The following KCND3 variants were observed in gnomAD, a reference collection of about 807,000 sequenced individuals.
KCND3 encodes potassium voltage-gated channel subfamily D member 3, also known as A-type voltage-gated potassium channel KCND3.
A neutral mutation model predicts 51.1 loss-of-function variants in KCND3; 9 were observed. That is an observed-to-expected ratio of 0.18 (90% CI 0.11 to 0.31). The LOEUF is 0.31. Ranked by LOEUF, KCND3 falls within the 10% of genes least tolerant of loss-of-function variation. The probability of loss-of-function intolerance (pLI) is 1.00; values close to 1 mark genes in which losing one functional copy is unlikely to be tolerated. For missense variants in KCND3, 526 were observed against 903.8 expected, an observed-to-expected ratio of 0.58 and a Z score of 5.36; for synonymous variants, 349 against 368.0, an observed-to-expected ratio of 0.95 and a Z score of 0.59.
chr1:111,907,902 T>C (rs1488219998), intron 2 of KCND3, among the ~76,000 whole-genome samples: 2 of 152,208 alleles, frequency 1.3e-5, no homozygotes, highest in African/African-American at 4.8e-5. Context: ...GGATTCTGCC[T>C]CTCTGCAGTG....
At chr1:111,777,404 G>A (rs1664176555) in intron 6 of KCND3, 131 bp from the exon 7 acceptor site, 2 of 954,814 alleles carry the variant, frequency 2.1e-6, no homozygotes, top group African/African-American at 3.2e-5. Context: ...CCGGATCACA[G>A]ATAAGCATTC....
intron 2 of KCND3, among the ~76,000 whole-genome samples, chr1:111,835,701 A>G (rs1667035811): frequency 6.6e-6 from 1 of 152,248 alleles, no homozygotes; most frequent in Non-Finnish European, 1.5e-5. Context: ...TAAGAAGGGT[A>G]GGAACCCTTA....
intron 2 of KCND3, among the ~76,000 whole-genome samples, chr1:111,945,243 G>A (rs1571884782): frequency 1.3e-5 from 2 of 152,212 alleles, no homozygotes; most frequent in Non-Finnish European, 2.9e-5. Flanking sequence ...CTTGTTCGAG[G>A]TACACCAGCA....
At position 111,842,871 on chromosome 1, in the gene KCND3, T is replaced by G. The variant is rs146621062; in HGVS notation, c.1107-55765A>C. ...CCCCACCTCTTCTGCTTTGGGTCCT[T>G]GGATCACGGCAGTCTTTGTGATCAG... On this transcript the variant is annotated intron_variant, in intron 2 of 7. Coordinates refer to ENST00000302127, the MANE Select transcript of KCND3 (RefSeq NM_001378969.1). Among the ~76,000 whole-genome samples the G allele has an allele frequency of 1.7e-3, 265 of 152,344 alleles. 2 individuals carry two copies. The highest frequency in any genetic ancestry group is 6.1e-3 in the African/African-American group (255 of 41,576).
At chr1:111,905,624 G>A (rs1670610695) in intron 2 of KCND3, among the ~76,000 whole-genome samples, 1 of 152,228 alleles carries the variant, frequency 6.6e-6, no homozygotes, top group Non-Finnish European at 1.5e-5. Context: ...GGAGGCTGGT[G>A]TTGATCAGTC....
intron 2 of KCND3, among the ~76,000 whole-genome samples, chr1:111,905,224 T>C (rs1670590117): frequency 6.6e-6 from 1 of 152,178 alleles, no homozygotes; most frequent in African/African-American, 2.4e-5. Flanking sequence ...TGATTAAGCA[T>C]CTGTGACCAC....
Position 111,886,234 on chromosome 1 carries a change from T to G in KCND3, c.1106+95387A>C, listed in dbSNP as rs190828588. ...CAAGCAGACCCACCAACATACACAA[T>G]GAAAGCCTGGACTGTTTATGGTATC... On this transcript the variant is annotated intron_variant, in intron 2 of 7. Transcript: ENST00000302127. 2.6e-5 allele frequency among the ~76,000 whole-genome samples: 4 copies of G among 152,292 alleles called. No homozygotes were observed. In the East Asian group the frequency reaches 7.7e-4, roughly 29 times the overall value.
At chr1:111,912,558 G>T (rs1391743118) in intron 2 of KCND3, among the ~76,000 whole-genome samples, 3 of 152,330 alleles carry the variant, frequency 2.0e-5, no homozygotes, top group Middle Eastern at 3.4e-3. Flanking sequence ...CCTTCAGAAG[G>T]TATTCATGAA....
intron 2 of KCND3, among the ~76,000 whole-genome samples, chr1:111,796,267 C>T (rs1665050851): frequency 6.6e-6 from 1 of 152,124 alleles, no homozygotes; most frequent in South Asian, 2.1e-4. Context: ...TTGCTTGTTC[C>T]TATGTCCGGA....
rs149767758 is a variant in KCND3, at chr1:111,972,629, C to T, written c.1106+8992G>A. Among the ~76,000 whole-genome samples the T allele has an allele frequency of 1.7e-3, 264 of 152,334 alleles. 1 individual carries two copies. The highest frequency in any genetic ancestry group is 6.2e-3 in the African/African-American group (258 of 41,588). On this transcript the variant is annotated intron_variant, in intron 2 of 7. Coordinates refer to ENST00000302127, the MANE Select transcript of KCND3 (RefSeq NM_001378969.1). ...AAAATCTCTTTACCATGAAGCCAAT[C>T]GTTCATTCATCAACAAATGTTTATT...
At chr1:111,854,982 C>A (rs1667994718) in intron 2 of KCND3, among the ~76,000 whole-genome samples, 1 of 152,148 alleles carries the variant, frequency 6.6e-6, no homozygotes, top group African/African-American at 2.4e-5. Context: ...GGCATCCTGT[C>A]ACAGAGTAAG....
intron 2 of KCND3, among the ~76,000 whole-genome samples, chr1:111,864,781 T>C (rs914702180): frequency 1.3e-5 from 2 of 151,970 alleles, no homozygotes; most frequent in Non-Finnish European, 2.9e-5. Flanking sequence ...CTTGGCCTCA[T>C]AGATGGGCAG....
chr1:111,785,753 G>A (rs761996056), intron 3 of KCND3, among the ~76,000 whole-genome samples: 9 of 152,058 alleles, frequency 5.9e-5, no homozygotes, highest in Non-Finnish European at 1.2e-4. Flanking sequence ...CCTCCATAAC[G>A]ACATTAACTT....
In KCND3 at chr1:111,982,503, A is replaced by T; in HGVS notation, c.224T>A (p.Phe75Tyr). 4 of 1,607,776 alleles carry T rather than the reference A, an allele frequency of 2.5e-6. No individual in the cohort carries two copies. The highest frequency in any genetic ancestry group is 2.6e-6 in the Non-Finnish European group (3 of 1,175,052). ...GAAGTACTCCTTGGTGTCCTCGTTGAAGAAGAACTCCTTCTCCGTGCTGCC... is the reference window on the plus strand; with the variant it reads ...GAAGTACTCCTTGGTGTCCTCGTTGTAGAAGAACTCCTTCTCCGTGCTGCC... Reference protein sequence around the residue: ...LLGSTEKEFFFNEDTKEYFFD... With the variant: ...LLGSTEKEFFYNEDTKEYFFD... Residue 75 changes from phenylalanine (F) to tyrosine (Y), a missense_variant, in exon 2 of 8, where the codon TTC becomes TAC. Coordinates refer to ENST00000302127, the MANE Select transcript of KCND3 (RefSeq NM_001378969.1). The surrounding 1 kb of genome is among the most constrained non-coding windows in gnomAD (Gnocchi z 8.5).
At chr1:111,849,217 C>T (rs1048961362) in intron 2 of KCND3, among the ~76,000 whole-genome samples, 1 of 152,178 alleles carries the variant, frequency 6.6e-6, no homozygotes, top group African/African-American at 2.4e-5. Flanking sequence ...ACAATACCAC[C>T]AAAAACTCCT....
At chr1:111,896,215 T>C (rs117841063) in intron 2 of KCND3, among the ~76,000 whole-genome samples, 2,063 of 152,224 alleles carry the variant, frequency 0.014, 104 homozygotes, top group Admixed American at 0.1. Context: ...CCCGGGCCTA[T>C]TGGCTTTGAG....
At chr1:111,878,031 G>A (rs1325421155) in intron 2 of KCND3, among the ~76,000 whole-genome samples, 1 of 152,212 alleles carries the variant, frequency 6.6e-6, no homozygotes, top group African/African-American at 2.4e-5. Context: ...AAATGAGGAA[G>A]TTGTGGCACT....
chr1:111,964,121 G>A (rs944955781), intron 2 of KCND3, among the ~76,000 whole-genome samples: 1 of 152,298 alleles, frequency 6.6e-6, no homozygotes, highest in South Asian at 2.1e-4. Flanking sequence ...TGCCATTATG[G>A]CTGCCCAGGC....
intron 2 of KCND3, among the ~76,000 whole-genome samples, chr1:111,974,372 TA>T (rs10711503): frequency 0.39 from 57,131 of 146,494 alleles, 10,984 homozygotes; most frequent in Non-Finnish European, 0.44. Flanking sequence ...TTTCCCAGAT[TA>T]AAAAAAAAAA....
Sources: allele counts gnomAD v4.1 joint callset (sites outside exome capture counted in the v4.1 genomes callset), GRCh38; gene constraint gnomAD v4.1.1; non-coding constraint Gnocchi (gnomAD v3.1); transcripts MANE v1.5; gene names NCBI Gene and HGNC (gene_info 2026-07-23, HGNC 2026-07-21).